Variants in YWHAH observed in about 807,000 individuals in gnomAD.
YWHAH encodes the protein 14-3-3 protein eta.
In YWHAH, 6 loss-of-function variants were observed where a neutral mutation model predicts 22.9. The ratio of observed to expected loss-of-function variants is 0.26; its 90% CI spans 0.14 to 0.52. The LOEUF (loss-of-function observed/expected upper bound fraction) is 0.52, where lower values mean the gene tolerates loss of function less well. Among genes scored for constraint, YWHAH ranks in the 20% least tolerant of loss-of-function variants. The pLI is 0.97. For missense variants in YWHAH, 173 were observed against 308.6 expected (o/e 0.56, Z 3.29); for synonymous variants, 135 against 124.5 (o/e 1.08, Z -0.56).
intron 1 of YWHAH, among the ~76,000 whole-genome samples, chr22:31,947,675 A>G (rs149852709): frequency 1.9e-3 from 296 of 152,324 alleles, no homozygotes; most frequent in Non-Finnish European, 5.7e-4. Context: ...GTGGGAAGAA[A>G]TATTGTGAAA....
In YWHAH at chr22:31,956,475, A is replaced by G. The variant is rs774617044; in HGVS notation, c.424A>G (p.Lys142Glu). 1.1e-5 allele frequency: 17 copies of G among 1,613,996 alleles called. No individual in the cohort carries two copies. In the Admixed American group the frequency reaches 2.3e-4, roughly 22 times the overall value. The change falls in exon 2 of 2, where the codon AAG becomes GAG. Residue 142 changes from lysine to glutamate, a missense_variant. By Grantham distance (56) the Lys-to-Glu change is moderately conservative. Transcript: ENST00000248975. This position sits in a 1 kb window ranked among gnomAD's most constrained non-coding sequence, Gnocchi z 5.1. The part of the protein sequence containing the change: ...RYLAEVASGE[K>E]KNSVVEASEA... ...CTTAGCAGAGGTCGCTTCTGGGGAG[A>G]AGAAAAACAGTGTGGTCGAAGCTTC...
At chr22:31,955,734 G>T (rs183633095) in intron 1 of YWHAH, among the ~76,000 whole-genome samples, 1 of 152,152 alleles carries the variant, frequency 6.6e-6, no homozygotes, top group Non-Finnish European at 1.5e-5. Context: ...AAGCCATCGC[G>T]CCCGGCCTGT....
At position 31,950,436 on chromosome 22, in the gene YWHAH, C is replaced by T. The variant is rs373543459; in HGVS notation, c.87+5616C>T. 59 of 778,384 alleles carry T rather than the reference C, an allele frequency of 7.6e-5. No individual in the cohort carries two copies. In the East Asian group the frequency reaches 1.3e-3, roughly 17 times the overall value. The allele number at this position is 778,384 out of a possible 1,614,324, so 48.2% of individuals were successfully genotyped here. ...CCTTCTGCGGTGGTGAGTGTTAGCA[C>T]TTCCAATGATCCGAACCTGGCACAG... On this transcript the variant is annotated intron_variant, in intron 1 of 1. Transcript: ENST00000248975.
chr22:31,955,042 C>T (rs767949199), intron 1 of YWHAH, among the ~76,000 whole-genome samples: 1 of 152,218 alleles, frequency 6.6e-6, no homozygotes, highest in Non-Finnish European at 1.5e-5. Context: ...TGAAATTTAA[C>T]TCTTCCACTT....
At chr22:31,954,243 T>C (rs976975823) in intron 1 of YWHAH, among the ~76,000 whole-genome samples, 1 of 152,246 alleles carries the variant, frequency 6.6e-6, no homozygotes, top group Non-Finnish European at 1.5e-5. Context: ...TTTTATGGTT[T>C]CCTAAGTGCT....
At chr22:31,946,839 G>T (rs1156369110) in intron 1 of YWHAH, among the ~76,000 whole-genome samples, 1 of 152,128 alleles carries the variant, frequency 6.6e-6, no homozygotes, top group Non-Finnish European at 1.5e-5. Flanking sequence ...GTAAACCAAA[G>T]GAATCTATAA....
intron 1 of YWHAH, among the ~76,000 whole-genome samples, chr22:31,946,504 T>A (rs2093834893): frequency 1.3e-5 from 2 of 151,710 alleles, no homozygotes; most frequent in African/African-American, 4.9e-5. Flanking sequence ...CATGAAGTGG[T>A]TGCTCACCCT....
At chr22:31,947,030 C>T (rs1232468404) in intron 1 of YWHAH, among the ~76,000 whole-genome samples, 1 of 152,148 alleles carries the variant, frequency 6.6e-6, no homozygotes, top group Non-Finnish European at 1.5e-5. Flanking sequence ...TTGGAAGGGA[C>T]TGGCAGGGGT....
chr22:31,950,329 A>G lies in YWHAH; in HGVS notation c.87+5509A>G, dbSNP rs73884247. 3,635 of 779,016 alleles carry G rather than the reference A, an allele frequency of 4.7e-3. 75 individuals are homozygous for G. Among genetic ancestry groups the G allele is most frequent in the African/African-American group, 0.043 (2,567 of 59,034 alleles). 48.3% of individuals were successfully genotyped at this position (779,016 alleles called of 1,614,324 possible). On this transcript the variant is annotated intron_variant, in intron 1 of 1. Coordinates refer to ENST00000248975, the MANE Select transcript of YWHAH (RefSeq NM_003405.4). ...CTAGGTTGCTGGTAAAATTCCTCCT[A>G]GTGTCCAAGTGGAGGCAGCTTGTCT...
At chr22:31,945,021 G>A in intron 1 of YWHAH, 1 of 1,114,768 alleles carries the variant, frequency 9.0e-7, no homozygotes, top group Non-Finnish European at 1.1e-6. Context: ...CCAGGGTGGG[G>A]GATCCGGGAG....
chr22:31,950,543 G>T (rs930431849), intron 1 of YWHAH: 2 of 538,754 alleles, frequency 3.7e-6, no homozygotes, highest in African/African-American at 3.8e-5. Flanking sequence ...TTTAATCCTT[G>T]CCAATCCCCA....
At chr22:31,949,806 A>G (rs1290344731) in intron 1 of YWHAH, among the ~76,000 whole-genome samples, 2 of 152,196 alleles carry the variant, frequency 1.3e-5, no homozygotes, top group Non-Finnish European at 2.9e-5. Context: ...CATTTTAACC[A>G]CTATGTAACA....
At chr22:31,955,275 G>A (rs1324619526) in intron 1 of YWHAH, among the ~76,000 whole-genome samples, 1 of 152,154 alleles carries the variant, frequency 6.6e-6, no homozygotes, top group Non-Finnish European at 1.5e-5. Flanking sequence ...GGATCTGTGT[G>A]ATGTTCCATC....
chr22:31,956,543 G>C lies in YWHAH; in HGVS notation c.492G>C (p.Gln164His), dbSNP rs1603056104. 6.2e-7 allele frequency: 1 copy of C among 1,614,188 alleles called. No individual in the cohort carries two copies. Residue 164 changes from glutamine (Q) to histidine (H), a missense_variant, in exon 2 of 2, where the codon CAG becomes CAC. Transcript: ENST00000248975. This position sits in a 1 kb window ranked among gnomAD's most constrained non-coding sequence, Gnocchi z 5.1. ...YKEAFEISKEQMQPTHPIRLG... is the reference protein window; with the variant it reads ...YKEAFEISKEHMQPTHPIRLG... ...AAGCCTTTGAAATCAGCAAAGAGCA[G>C]ATGCAACCCACGCATCCCATCCGGC...
At position 31,944,702 on chromosome 22, in the gene YWHAH, G is replaced by GT; in HGVS notation, c.-32_-31insT. On this transcript the variant is annotated 5_prime_UTR_variant, in exon 1 of 2. Transcript: ENST00000248975. Reference sequence around the variant, plus strand: ...GGGAGGGCTAGCGAGCCAGCGGTGTGAGGCGCGAGGCGAGGCCGAGCCGCG... The same window carrying GT: ...GGGAGGGCTAGCGAGCCAGCGGTGTGTAGGCGCGAGGCGAGGCCGAGCCGCG... 7.4e-7 allele frequency: 1 copy of GT among 1,349,612 alleles called. No individual in the cohort carries two copies. The highest frequency in any genetic ancestry group is 9.6e-7 in the Non-Finnish European group (1 of 1,040,982). The allele number at this position is 1,349,612 out of a possible 1,614,324, so 83.6% of individuals were successfully genotyped here.
At chr22:31,954,707 G>A (rs904367808) in intron 1 of YWHAH, among the ~76,000 whole-genome samples, 3 of 152,040 alleles carry the variant, frequency 2.0e-5, no homozygotes, top group African/African-American at 7.2e-5. Flanking sequence ...TTGTAGATGC[G>A]TCACTCCAGT....
intron 1 of YWHAH, among the ~76,000 whole-genome samples, chr22:31,954,218 C>G (rs1390194371): frequency 6.6e-6 from 1 of 152,084 alleles, no homozygotes; most frequent in African/African-American, 2.4e-5. Flanking sequence ...TAAGTAATAC[C>G]TTTTTTGTTT....
rs547529871 is a variant in YWHAH, at chr22:31,945,058, C to T, written c.87+238C>T. On this transcript the variant is annotated intron_variant, in intron 1 of 1. Coordinates refer to ENST00000248975, the MANE Select transcript of YWHAH (RefSeq NM_003405.4). ...GTGCAGTTCGGGATCGCGAAGGCAG[C>T]CCCGGAAGGGGGGCGGGCCGGTCGG... 27 of 1,109,560 alleles carry T rather than the reference C, an allele frequency of 2.4e-5. No individual in the cohort carries two copies. The South Asian group carries it at 7.8e-4, about 32-fold the overall frequency. 68.7% of individuals were successfully genotyped at this position (1,109,560 alleles called of 1,614,324 possible). A position where few individuals can be genotyped will look rare whatever the true frequency, so the allele number is the denominator to read the frequency against.
At chr22:31,945,198 C>A in intron 1 of YWHAH, 1 of 1,117,540 alleles carries the variant, frequency 8.9e-7, no homozygotes, top group Non-Finnish European at 1.1e-6. Context: ...CCCCTCTCGT[C>A]TTCCTCCGTT....
Sources: gnomAD v4.1 joint callset for allele counts (sites outside exome capture counted in the v4.1 genomes callset) on GRCh38, gnomAD v4.1.1 for gene constraint, Gnocchi (gnomAD v3.1) non-coding constraint, MANE v1.5 for transcripts, NCBI Gene and HGNC (gene_info 2026-07-23, HGNC 2026-07-21) for gene names.